CSMD1: variants seen among roughly 807,000 people sequenced by gnomAD.
CSMD1 encodes CUB and Sushi multiple domains 1, also known as CUB and sushi domain-containing protein 1.
Under a neutral mutation model 417.5 loss-of-function variants are expected in CSMD1, and 213 were observed. That is an observed-to-expected ratio of 0.51 (90% CI 0.46 to 0.57). The LOEUF (loss-of-function observed/expected upper bound fraction) is 0.57. CSMD1 is among the 20% of genes least tolerant of loss of function. The pLI, the probability that CSMD1 is intolerant of heterozygous loss-of-function variation, is 0.00. For synonymous variants in CSMD1, 2,862 were observed against 1,736.8 expected (o/e 1.65, Z -16.11); for missense variants, 6,923 against 4,529.7 (o/e 1.53, Z -15.17).
Position 2,973,237 on chromosome 8 carries a change from C to G in CSMD1, c.8803G>C (p.Asp2935His). 2.4e-5 allele frequency: 39 copies of G among 1,613,934 alleles called. No homozygotes were observed. Among genetic ancestry groups the G allele is most frequent in the Non-Finnish European group, 3.2e-5 (38 of 1,179,856 alleles). ...TPAHGSRLGD[D>H]FKTKSLLRFS... The stretch of plus-strand genomic sequence containing the variant: ...CGGAGAAGACTCTTTGTCTTAAAGT[C>G]ATCACCAAGCCGAGACCCATGTGCT... Residue 2935 changes from aspartate to histidine, a missense_variant, in exon 57 of 70, where the codon GAC becomes CAC. Transcript: ENST00000635120.
intron 2 of CSMD1, among the ~76,000 whole-genome samples, chr8:4,622,791 A>G (rs1430794291): frequency 6.6e-6 from 1 of 152,142 alleles, no homozygotes; most frequent in Non-Finnish European, 1.5e-5. Flanking sequence ...ACAGCACCCA[A>G]AAGAAGAAGG....
intron 5 of CSMD1, among the ~76,000 whole-genome samples, chr8:3,864,313 G>T (rs1468185516): frequency 6.6e-6 from 1 of 152,104 alleles, no homozygotes; most frequent in Non-Finnish European, 1.5e-5. Flanking sequence ...CTTTTCCTAT[G>T]AGAGGACAGT....
At chr8:4,249,711 T>G (rs1211727139) in intron 3 of CSMD1, among the ~76,000 whole-genome samples, 1 of 152,208 alleles carries the variant, frequency 6.6e-6, no homozygotes, top group Non-Finnish European at 1.5e-5. Flanking sequence ...GCTGGAAGAC[T>G]TGGCCTCAGC....
intron 8 of CSMD1, among the ~76,000 whole-genome samples, chr8:3,608,328 G>A (rs1314782428): frequency 9.2e-5 from 14 of 152,116 alleles, no homozygotes; most frequent in Non-Finnish European, 2.9e-5. Flanking sequence ...ACATGAAGGG[G>A]GCCACATTGT....
chr8:3,848,410 T>C (rs956743521), intron 5 of CSMD1, among the ~76,000 whole-genome samples: 5 of 152,220 alleles, frequency 3.3e-5, no homozygotes, highest in Non-Finnish European at 5.9e-5. Context: ...GTTGGTGTTT[T>C]TTAAAACACA....
At chr8:3,433,294 G>C (rs755151300) in intron 12 of CSMD1, among the ~76,000 whole-genome samples, 5 of 152,116 alleles carry the variant, frequency 3.3e-5, no homozygotes, top group Non-Finnish European at 7.4e-5. Context: ...TGACCATATA[G>C]CTTTATTTTG....
chr8:3,050,027 T>G (rs533087832), intron 50 of CSMD1, among the ~76,000 whole-genome samples: 19 of 151,872 alleles, frequency 1.3e-4, no homozygotes, highest in Non-Finnish European at 2.4e-4. Context: ...CTTTCTCAGA[T>G]AGTATACAAA....
intron 3 of CSMD1, among the ~76,000 whole-genome samples, chr8:4,185,151 A>AAAAT (rs1798590507): frequency 6.6e-6 from 1 of 150,574 alleles, no homozygotes; most frequent in Non-Finnish European, 1.5e-5. Flanking sequence ...AAAAAAAAAA[A>AAAAT]AAAAAAAAAA....
In CSMD1 at chr8:3,781,338, A is replaced by G. The variant is rs2720750; in HGVS notation, c.819-27296T>C. Among the ~76,000 whole-genome samples, 45 of 152,258 alleles carry G rather than the reference A, an allele frequency of 3.0e-4. No homozygotes were observed. The East Asian group carries it at 8.3e-3, about 28-fold the overall frequency. Reference sequence around the variant, plus strand: ...TCTTTGTTCTTTTCATTCTTTACTCATTGAACACGGAGTCTAGGGTCAGGT... The same window carrying G: ...TCTTTGTTCTTTTCATTCTTTACTCGTTGAACACGGAGTCTAGGGTCAGGT... On this transcript the variant is annotated intron_variant, in intron 5 of 69. Coordinates refer to ENST00000635120, the MANE Select transcript of CSMD1 (RefSeq NM_033225.6).
At chr8:4,866,226 G>C (rs553019067) in intron 1 of CSMD1, among the ~76,000 whole-genome samples, 1 of 151,980 alleles carries the variant, frequency 6.6e-6, no homozygotes, top group South Asian at 2.1e-4. Context: ...AAAACTTAAT[G>C]TACCAGGCTC....
At chr8:3,803,407 G>T (rs920040207) in intron 5 of CSMD1, among the ~76,000 whole-genome samples, 5 of 152,206 alleles carry the variant, frequency 3.3e-5, no homozygotes, top group African/African-American at 1.2e-4. Flanking sequence ...GAAACAGGTA[G>T]TGTAGGTAGA....
intron 3 of CSMD1, among the ~76,000 whole-genome samples, chr8:4,236,472 G>A (rs1416181163): frequency 2.6e-5 from 4 of 152,078 alleles, no homozygotes; most frequent in Non-Finnish European, 4.4e-5. Flanking sequence ...AACACAACTG[G>A]CTGTATTCAT....
intron 3 of CSMD1, among the ~76,000 whole-genome samples, chr8:4,044,547 G>C (rs1474919004): frequency 1.3e-5 from 2 of 152,218 alleles, no homozygotes; most frequent in East Asian, 3.9e-4. Flanking sequence ...CATTCCATCT[G>C]TGATTCTACC....
intron 1 of CSMD1, among the ~76,000 whole-genome samples, chr8:4,711,579 A>T (rs548335078): frequency 5.3e-5 from 8 of 152,266 alleles, no homozygotes; most frequent in East Asian, 1.9e-4. Flanking sequence ...TTGAAAAAAA[A>T]ATATATTGGT....
chr8:4,689,460 G>A (rs1341772808), intron 1 of CSMD1, among the ~76,000 whole-genome samples: 1 of 152,140 alleles, frequency 6.6e-6, no homozygotes, highest in African/African-American at 2.4e-5. Context: ...ATATTAGAAG[G>A]ATTTGTGGGG....
intron 5 of CSMD1, among the ~76,000 whole-genome samples, chr8:3,787,031 C>T (rs187049429): frequency 6.6e-6 from 1 of 152,112 alleles, no homozygotes; most frequent in Admixed American, 6.6e-5. Context: ...ACTTAAGTAA[C>T]TTCTATGTGT....
chr8:3,920,202 T>A (rs1302920768), intron 5 of CSMD1, among the ~76,000 whole-genome samples: 2 of 152,002 alleles, frequency 1.3e-5, no homozygotes, highest in Non-Finnish European at 2.9e-5. Context: ...TCTGGCTAAC[T>A]TTTCATATTT....
intron 1 of CSMD1, among the ~76,000 whole-genome samples, chr8:4,773,586 T>C (rs1262537554): frequency 1.3e-5 from 2 of 152,172 alleles, no homozygotes; most frequent in Non-Finnish European, 2.9e-5. Context: ...TTCTCGTCTA[T>C]ATCAGGATAC....
intron 3 of CSMD1, among the ~76,000 whole-genome samples, chr8:4,231,060 A>C (rs1801694424): frequency 6.6e-6 from 1 of 152,204 alleles, no homozygotes; most frequent in Non-Finnish European, 1.5e-5. Context: ...AAATTGGGGA[A>C]AGCGTTTTTA....
Sources: gnomAD v4.1 joint callset for allele counts (sites outside exome capture counted in the v4.1 genomes callset) on GRCh38, gnomAD v4.1.1 for gene constraint, MANE v1.5 for transcripts, NCBI Gene and HGNC (gene_info 2026-07-23, HGNC 2026-07-21) for gene names.